Variants in IGF1R observed in about 807,000 individuals in gnomAD.
The protein encoded by IGF1R is insulin-like growth factor 1 receptor.
Under a neutral mutation model 144.6 loss-of-function variants are expected in IGF1R, and 44 were observed. The ratio of observed to expected loss-of-function variants is 0.30; its 90% CI spans 0.24 to 0.39. IGF1R has a LOEUF of 0.39. IGF1R is among the 10% of genes least tolerant of loss of function. IGF1R has a pLI of 1.00. For synonymous variants in IGF1R, 795 were observed against 722.8 expected, an observed-to-expected ratio of 1.10 and a Z score of -1.60; for missense variants, 1,355 against 1,833.7, an observed-to-expected ratio of 0.74 and a Z score of 4.77.
At chr15:98,868,565 A>T (rs114356178) in intron 2 of IGF1R, among the ~76,000 whole-genome samples, 114 of 152,188 alleles carry the variant, frequency 7.5e-4, no homozygotes, top group African/African-American at 2.7e-3. Flanking sequence ...TGTGGCGCAT[A>T]CAGGTGCCCT....
chr15:98,784,255 A>G (rs1428158943), intron 2 of IGF1R, among the ~76,000 whole-genome samples: 3 of 152,152 alleles, frequency 2.0e-5, no homozygotes. Context: ...ATTTTTAAGT[A>G]TAAAAAGTCT....
Position 98,935,116 on chromosome 15 carries a change from C to A in IGF1R, c.3186+63C>A. On this transcript the variant is annotated intron_variant, in intron 16 of 20. Transcript: ENST00000650285. The surrounding 1 kb of genome is among the most constrained non-coding windows in gnomAD (Gnocchi z 4.2). ...GGGAGAGGGTATCACACAAGCCTCC[C>A]AGTATGTTCTTGGCTGCATGTACCC... is the stretch of plus-strand genomic sequence containing the variant. 7.3e-7 allele frequency: 1 copy of A among 1,369,478 alleles called. No individual in the cohort carries two copies. The highest frequency in any genetic ancestry group is 1.0e-6 in the Non-Finnish European group (1 of 962,150). 84.8% of individuals were successfully genotyped at this position (1,369,478 alleles called of 1,614,324 possible). A position where few individuals can be genotyped will look rare whatever the true frequency, so the allele number is the denominator to read the frequency against.
At chr15:98,835,806 T>G (rs1468562249) in intron 2 of IGF1R, among the ~76,000 whole-genome samples, 1 of 152,178 alleles carries the variant, frequency 6.6e-6, no homozygotes, top group Admixed American at 6.5e-5. Flanking sequence ...TTACTTAAAA[T>G]TTTGTTAGGG....
intron 3 of IGF1R, among the ~76,000 whole-genome samples, chr15:98,892,175 C>T (rs1248839699): frequency 6.6e-6 from 1 of 152,164 alleles, no homozygotes; most frequent in African/African-American, 2.4e-5. Context: ...TTCCTCTCAT[C>T]CCCCTCTACC....
At chr15:98,857,281 C>T (rs1016577835) in intron 2 of IGF1R, among the ~76,000 whole-genome samples, 2 of 152,142 alleles carry the variant, frequency 1.3e-5, no homozygotes, top group Admixed American at 1.3e-4. Context: ...TGCAGTGGTG[C>T]GATCTCGGCT....
intron 2 of IGF1R, among the ~76,000 whole-genome samples, chr15:98,844,643 TAGAG>T (rs904624312): frequency 2.0e-5 from 3 of 152,038 alleles, no homozygotes; most frequent in African/African-American, 4.8e-5. Context: ...TGTGTGTATT[TAGAG>T]AGAAGGAGGG....
At chr15:98,810,653 A>G (rs1596322150) in intron 2 of IGF1R, among the ~76,000 whole-genome samples, 1 of 149,012 alleles carries the variant, frequency 6.7e-6, no homozygotes, top group Non-Finnish European at 1.5e-5. Flanking sequence ...GCTTCACGCC[A>G]TTCTTCTGCC....
At chr15:98,912,979 G>A (rs2015087843) in intron 7 of IGF1R, 65 bp from the exon 8 acceptor site, 1 of 1,053,412 alleles carries the variant, frequency 9.5e-7, no homozygotes, top group Non-Finnish European at 1.5e-6. Flanking sequence ...TGGGCCTCTG[G>A]GGAAGATTTT....
intron 3 of IGF1R, among the ~76,000 whole-genome samples, chr15:98,894,521 G>A (rs1339825216): frequency 6.6e-6 from 1 of 152,190 alleles, no homozygotes; most frequent in Non-Finnish European, 1.5e-5. Flanking sequence ...TACACTACTT[G>A]GATGGATCTC....
chr15:98,857,321 C>G (rs981540004), intron 2 of IGF1R, among the ~76,000 whole-genome samples: 8 of 152,158 alleles, frequency 5.3e-5, no homozygotes, highest in Admixed American at 2.6e-4. Context: ...CAGGTTCGAG[C>G]AATTCTTCTG....
intron 2 of IGF1R, among the ~76,000 whole-genome samples, chr15:98,878,244 C>T (rs372984259): frequency 2.6e-5 from 4 of 152,168 alleles, no homozygotes; most frequent in Non-Finnish European, 4.4e-5. Context: ...TTTGTCCCTA[C>T]GGGACACAGG....
chr15:98,652,948 T>A (rs998442421), intron 1 of IGF1R, among the ~76,000 whole-genome samples: 2 of 150,972 alleles, frequency 1.3e-5, no homozygotes, highest in South Asian at 2.1e-4. Flanking sequence ...TTTTTTTTTT[T>A]AAAGAAATGT....
At chr15:98,839,042 T>C (rs1010674561) in intron 2 of IGF1R, among the ~76,000 whole-genome samples, 2 of 152,222 alleles carry the variant, frequency 1.3e-5, no homozygotes, top group Admixed American at 6.5e-5. Context: ...CAAACAGCAC[T>C]GTCAGCCAAA....
At chr15:98,725,960 C>T (rs12440702) in intron 2 of IGF1R, among the ~76,000 whole-genome samples, 4,596 of 152,256 alleles carry the variant, frequency 0.03, 217 homozygotes, top group Admixed American at 0.11. Context: ...CACCTGGGTC[C>T]TTCCCATAAC....
At chr15:98,786,650 T>TG in intron 2 of IGF1R, among the ~76,000 whole-genome samples, 1 of 152,282 alleles carries the variant, frequency 6.6e-6, no homozygotes, top group South Asian at 2.1e-4. Context: ...ACTGTCTTTT[T>TG]TTGTTGTTGT....
At chr15:98,956,567 TAGAAATAGCACAGGTGGGAACCGG>T (rs1293563991) in intron 20 of IGF1R, among the ~76,000 whole-genome samples, 1 of 152,176 alleles carries the variant, frequency 6.6e-6, no homozygotes, top group Non-Finnish European at 1.5e-5. Flanking sequence ...GGAGGAAGCT[TAGAAATAGCACAGGTGGGAACCGG>T]AGAGAGAGCA....
chr15:98,896,163 C>T (rs1328748250), intron 3 of IGF1R, among the ~76,000 whole-genome samples: 1 of 152,176 alleles, frequency 6.6e-6, no homozygotes, highest in Non-Finnish European at 1.5e-5. Context: ...CAAGTTTCTG[C>T]AAAACACCGT....
chr15:98,887,389 G>A (rs2013692448), intron 2 of IGF1R, among the ~76,000 whole-genome samples: 1 of 151,336 alleles, frequency 6.6e-6, no homozygotes, highest in Non-Finnish European at 1.5e-5. Flanking sequence ...CTATTTGCAA[G>A]CAAGTGCAGA....
intron 2 of IGF1R, among the ~76,000 whole-genome samples, chr15:98,739,344 A>G (rs1237403818): frequency 6.6e-6 from 1 of 151,800 alleles, no homozygotes; most frequent in Non-Finnish European, 1.5e-5. Context: ...CTTCCTAGCA[A>G]CTCTTAGGCC....
Sources: allele counts gnomAD v4.1 joint callset (sites outside exome capture counted in the v4.1 genomes callset), GRCh38; gene constraint gnomAD v4.1.1; non-coding constraint Gnocchi (gnomAD v3.1); transcripts MANE v1.5; gene names NCBI Gene and HGNC (gene_info 2026-07-23, HGNC 2026-07-21).